PRDM15: variants seen among roughly 807,000 people sequenced by gnomAD.
PRDM15 encodes PR/SET domain 15, also known as PR domain zinc finger protein 15.
PRDM15 carries 64 observed loss-of-function variants against 128.6 expected under a neutral mutation model. That is an observed-to-expected ratio of 0.50 (90% confidence interval 0.41 to 0.61). PRDM15 has a LOEUF of 0.61. PRDM15 is among the 20% of genes least tolerant of loss of function. PRDM15 has a pLI of 0.00. For missense variants in PRDM15, 1,242 were observed against 1,569.1 expected, an observed-to-expected ratio of 0.79 and a Z score of 3.52; for synonymous variants, 615 against 621.8, an observed-to-expected ratio of 0.99 and a Z score of 0.16.
chr21:41,805,648 C>T (rs960107126), intron 21 of PRDM15, among the ~76,000 whole-genome samples: 14 of 152,150 alleles, frequency 9.2e-5, no homozygotes, highest in African/African-American at 2.2e-4. Context: ...CTGTGACACT[C>T]GCAAAGGACC....
chr21:41,879,073 C>A lies in PRDM15; in HGVS notation c.-10+197G>T. 8.8e-7 allele frequency: 1 copy of A among 1,132,498 alleles called. No homozygotes were observed. The allele number at this position is 1,132,498 out of a possible 1,614,324, so 70.2% of individuals were successfully genotyped here. On this transcript the variant is annotated intron_variant, in intron 1 of 23. Transcript: ENST00000398548. The surrounding 1 kb of genome is among the most constrained non-coding windows in gnomAD (Gnocchi z 5.1). ...GCCGGGTTTTGACTCCGATCGCCAA[C>A]GGTGCCCGCAGCCGGCGAATGTAAC...
intron 1 of PRDM15, among the ~76,000 whole-genome samples, chr21:41,868,902 C>T (rs2064113345): frequency 1.3e-5 from 2 of 152,178 alleles, no homozygotes; most frequent in South Asian, 4.2e-4. Context: ...GTTGGCCAGG[C>T]TGGTCTCGAA....
rs541821846 is a variant in PRDM15, at chr21:41,862,684, T to A, written c.-9-2312A>T. ...ATCAGAGGCCACAGCCACCCTGGGC[T>A]GCAGATCAGGCCTGATAAACGGAGC... is the stretch of plus-strand genomic sequence containing the variant. On this transcript the variant is annotated intron_variant, in intron 1 of 23. Transcript: ENST00000398548. This position sits in a 1 kb window ranked among gnomAD's most constrained non-coding sequence, Gnocchi z 4.1. 6.6e-6 allele frequency among the ~76,000 whole-genome samples: 1 copy of A among 152,272 alleles called. No homozygotes were observed. Among genetic ancestry groups the A allele is most frequent in the African/African-American group, 2.4e-5 (1 of 41,570 alleles).
intron 1 of PRDM15, chr21:41,870,617 C>T (rs1331698888): frequency 6.6e-6 from 1 of 152,242 alleles, no homozygotes; most frequent in Non-Finnish European, 1.5e-5. Flanking sequence ...TGCAGATTCC[C>T]ACTCTGGAGT....
intron 5 of PRDM15, among the ~76,000 whole-genome samples, chr21:41,850,915 T>A (rs1317983460): frequency 6.6e-6 from 1 of 152,212 alleles, no homozygotes; most frequent in East Asian, 1.9e-4. Context: ...CGAAGATGCA[T>A]GTTTGGAGCA....
At chr21:41,864,526 C>T (rs2063931902) in intron 1 of PRDM15, among the ~76,000 whole-genome samples, 1 of 152,020 alleles carries the variant, frequency 6.6e-6, no homozygotes, top group South Asian at 2.1e-4. Flanking sequence ...TCTCTGCCCC[C>T]ACCTCCTACA....
At chr21:41,814,832 G>C (rs2061990425) in intron 19 of PRDM15, 1 of 143,272 alleles carries the variant, frequency 7.0e-6, no homozygotes, top group South Asian at 2.2e-4. Flanking sequence ...GAATGGCTGT[G>C]TGTTAGTGAT....
Position 41,860,392 on chromosome 21 carries a change from C to T in PRDM15, c.-9-20G>A. The T allele has an allele frequency of 6.2e-7, 1 of 1,609,932 alleles. No homozygotes were observed. The highest frequency in any genetic ancestry group is 1.7e-5 in the Admixed American group (1 of 59,960). ...TGACACCTGTCAGGATACAAGAGAG[C>T]CTCATTAATGACAAGCTCTTACCAA... On this transcript the variant is annotated intron_variant, in intron 1 of 23. Coordinates refer to ENST00000398548, the MANE Select transcript of PRDM15 (RefSeq NM_001040424.3).
chr21:41,863,739 T>C (rs2145945015), intron 1 of PRDM15, among the ~76,000 whole-genome samples: 1 of 152,214 alleles, frequency 6.6e-6, no homozygotes, highest in South Asian at 2.1e-4. Context: ...TCAAACTTAA[T>C]TATCAAGCTA....
intron 11 of PRDM15, among the ~76,000 whole-genome samples, chr21:41,831,062 C>T (rs952744373): frequency 7.2e-5 from 11 of 152,260 alleles, no homozygotes; most frequent in African/African-American, 2.7e-4. Context: ...CTGGGTGACC[C>T]AGGAGCGGGG....
Position 41,854,956 on chromosome 21 carries a change from G to T in PRDM15, c.286-138C>A. 1 of 973,416 alleles carries T rather than the reference G, an allele frequency of 1.0e-6. No homozygotes were observed. Among genetic ancestry groups the T allele is most frequent in the Non-Finnish European group, 1.5e-6 (1 of 674,668 alleles). 60.3% of individuals were successfully genotyped at this position (973,416 alleles called of 1,614,324 possible). A position where few individuals can be genotyped will look rare whatever the true frequency, so the allele number is the denominator to read the frequency against. ...GGCCATAAGGGCTCCTGTACGGGAT[G>T]TTGAGGTGTTTACAATAGTGAGGAG... On this transcript the variant is annotated intron_variant, in intron 4 of 23. Transcript: ENST00000398548. The surrounding 1 kb of genome is among the most constrained non-coding windows in gnomAD (Gnocchi z 4.6).
chr21:41,873,555 A>T (rs184304197), intron 1 of PRDM15, among the ~76,000 whole-genome samples: 1 of 152,238 alleles, frequency 6.6e-6, no homozygotes, highest in Non-Finnish European at 1.5e-5. Context: ...AAATTCTGTG[A>T]CCTGCTTTGA....
At chr21:41,868,663 G>A (rs139000318) in intron 1 of PRDM15, among the ~76,000 whole-genome samples, 209 of 149,976 alleles carry the variant, frequency 1.4e-3, no homozygotes, top group African/African-American at 4.7e-3. Flanking sequence ...AAAGGTCTCT[G>A]CATCTTTTGC....
At chr21:41,871,522 G>A (rs761853175) in intron 1 of PRDM15, 1 of 1,609,528 alleles carries the variant, frequency 6.2e-7, no homozygotes, top group Non-Finnish European at 8.5e-7. Flanking sequence ...TGCGTCGCAG[G>A]CCTGCACTCG....
chr21:41,874,525 ATTT>A (rs61045274), intron 1 of PRDM15, among the ~76,000 whole-genome samples: 8 of 95,816 alleles, frequency 8.3e-5, no homozygotes, highest in East Asian at 2.7e-4. Context: ...ATATATATAT[ATTT>A]TTTTTTTTTT....
rs2064550821 is a variant in PRDM15 at position 41,879,203 on chromosome 21, G to A, written c.-10+67C>T. ...GCGCGCCGGGGCTCGCGGGGGCAGC[G>A]GGTGCGGCCCGGGGCCGGCGGGGCG... is the stretch of plus-strand genomic sequence containing the variant. On this transcript the variant is annotated intron_variant, in intron 1 of 23. Coordinates refer to ENST00000398548, the MANE Select transcript of PRDM15 (RefSeq NM_001040424.3). This position sits in a 1 kb window ranked among gnomAD's most constrained non-coding sequence, Gnocchi z 5.1. The A allele has an allele frequency of 3.8e-6, 3 of 781,948 alleles. No homozygotes were observed. In the South Asian group the frequency reaches 1.7e-4, roughly 43 times the overall value. 48.4% of individuals were successfully genotyped at this position (781,948 alleles called of 1,614,324 possible).
At chr21:41,830,354 A>C (rs2062643414) in intron 11 of PRDM15, among the ~76,000 whole-genome samples, 1 of 151,186 alleles carries the variant, frequency 6.6e-6, no homozygotes, top group African/African-American at 2.5e-5. Flanking sequence ...ACACAAATAC[A>C]CACACAACAT....
At chr21:41,871,328 C>T (rs1162366265) in intron 1 of PRDM15, among the ~76,000 whole-genome samples, 2 of 151,412 alleles carry the variant, frequency 1.3e-5, no homozygotes, top group African/African-American at 4.9e-5. Context: ...TTTGGCCCTC[C>T]ATTCCCCCCA....
At chr21:41,822,752 G>A (rs1421495676) in intron 14 of PRDM15, among the ~76,000 whole-genome samples, 1 of 152,186 alleles carries the variant, frequency 6.6e-6, no homozygotes, top group African/African-American at 2.4e-5. Context: ...TTGGGATTTG[G>A]GGTGGGGCAT....
Sources: gnomAD v4.1 joint callset for allele counts (sites outside exome capture counted in the v4.1 genomes callset) on GRCh38, gnomAD v4.1.1 for gene constraint, Gnocchi (gnomAD v3.1) non-coding constraint, MANE v1.5 for transcripts, NCBI Gene and HGNC (gene_info 2026-07-23, HGNC 2026-07-21) for gene names.